Variants in UNC79 observed in about 807,000 individuals in gnomAD.
UNC79 encodes unc-79 subunit of NALCN channel complex, also known as protein unc-79 homolog.
In UNC79, 37 loss-of-function variants were observed where a neutral mutation model predicts 283.1. That is an observed-to-expected ratio of 0.13 (90% confidence interval 0.10 to 0.17). The LOEUF is 0.17. UNC79 is among the 10% of genes least tolerant of loss of function. The pLI is 1.00. For synonymous variants in UNC79, 1,107 were observed against 1,200.2 expected, an observed-to-expected ratio of 0.92 and a Z score of 1.61; for missense variants, 2,272 against 3,211.1, an observed-to-expected ratio of 0.71 and a Z score of 7.07.
intron 41 of UNC79, among the ~76,000 whole-genome samples, chr14:93,675,130 C>T (rs962062930): frequency 6.6e-6 from 1 of 152,212 alleles, no homozygotes; most frequent in Non-Finnish European, 1.5e-5. Context: ...GGTCTTCCAT[C>T]ATCTGGCCAC....
intron 1 of UNC79, among the ~76,000 whole-genome samples, chr14:93,395,606 T>G (rs1038123135): frequency 6.6e-6 from 1 of 152,128 alleles, no homozygotes; most frequent in African/African-American, 2.4e-5. Context: ...CAGTTCAACA[T>G]GAGATTTGGG....
At chr14:93,347,239 C>T in intron 1 of UNC79, 2 of 1,581,284 alleles carry the variant, frequency 1.3e-6, no homozygotes, top group South Asian at 1.1e-5. Context: ...CTGTGCTGTC[C>T]ACGCCTGGCT....
At chr14:93,707,484 C>G (rs2075940865), downstream of UNC79, 1 of 152,242 alleles carries the variant, frequency 6.6e-6, no homozygotes, top group African/African-American at 2.4e-5. Context: ...CAAAACTGTC[C>G]AGTAAGTTTT....
At chr14:93,389,916 G>T (rs1449623215) in intron 1 of UNC79, among the ~76,000 whole-genome samples, 1 of 152,216 alleles carries the variant, frequency 6.6e-6, no homozygotes, top group Admixed American at 6.5e-5. Context: ...GCCTCCCAAA[G>T]TGCTAGGGTT....
At chr14:93,660,028 A>T (rs1433312924) in intron 39 of UNC79, among the ~76,000 whole-genome samples, 1 of 152,144 alleles carries the variant, frequency 6.6e-6, no homozygotes, top group African/African-American at 2.4e-5. Context: ...TTCCAATGAG[A>T]CCACAAGCTT....
chr14:93,487,847 G>A, intron 5 of UNC79, 92 bp downstream of exon 5: 11 of 1,174,926 alleles, frequency 9.4e-6, no homozygotes, highest in Non-Finnish European at 1.2e-5. Context: ...ATGTGAGAAC[G>A]TCATCATCAT....
At chr14:93,512,888 A>G (rs1198997136) in intron 7 of UNC79, among the ~76,000 whole-genome samples, 3 of 152,096 alleles carry the variant, frequency 2.0e-5, no homozygotes, top group African/African-American at 7.2e-5. Context: ...CCTCTTGATT[A>G]TGGATCACAT....
intron 35 of UNC79, among the ~76,000 whole-genome samples, chr14:93,650,093 C>T (rs1423135779): frequency 1.3e-5 from 2 of 152,206 alleles, no homozygotes; most frequent in Non-Finnish European, 2.9e-5. Context: ...TTGTGTCCAA[C>T]TTCTGTTACT....
intron 30 of UNC79, among the ~76,000 whole-genome samples, chr14:93,625,524 T>A (rs756315320): frequency 6.6e-6 from 1 of 152,208 alleles, no homozygotes; most frequent in African/African-American, 2.4e-5. Context: ...CCACCTTAGC[T>A]CAGCTGCTCA....
rs770332968 is a variant in UNC79 at position 93,688,762 on chromosome 14, G to A, written c.7007G>A (p.Arg2336Gln). 20 of 1,613,594 alleles carry A rather than the reference G, an allele frequency of 1.2e-5. No individual in the cohort carries two copies. Among genetic ancestry groups the A allele is most frequent in the Admixed American group, 1.7e-5 (1 of 59,980 alleles). ...CAGATTGCAGCCATGGACATCTCAC[G>A]GGGCAACCACAGAGATAACAAAGCT... Residue 2336 changes from arginine to glutamine, a missense_variant, in exon 44 of 49, where the codon CGG (arginine) becomes CAG (glutamine). By Grantham distance (43) the Arg-to-Gln change is conservative. Around this residue, in one of 11 missense-constraint regions of UNC79, gnomAD observed 225 missense variants for 334.2 expected, o/e 0.67. Transcript: ENST00000555664. This position sits in a 1 kb window ranked among gnomAD's most constrained non-coding sequence, Gnocchi z 4.0.
intron 27 of UNC79, among the ~76,000 whole-genome samples, chr14:93,613,323 T>TGA (rs949420030): frequency 3.4e-4 from 50 of 149,192 alleles, no homozygotes; most frequent in East Asian, 9.8e-4. Context: ...TGTGTGTGTG[T>TGA]GAGAGAGAGA....
chr14:93,622,100 A>G (rs375712940), exon 30 of UNC79: 124 of 1,613,972 alleles, frequency 7.7e-5, no homozygotes, highest in South Asian at 7.4e-4. Flanking sequence ...AAAACACTCT[A>G]TACTCTCAAC....
intron 41 of UNC79, among the ~76,000 whole-genome samples, chr14:93,682,101 A>C (rs1295357885): frequency 2.6e-5 from 4 of 152,130 alleles, no homozygotes; most frequent in African/African-American, 9.7e-5. Context: ...CCAGAGAAGG[A>C]GTGGGGGTCT....
At chr14:93,644,067 A>G (rs967317941) in intron 34 of UNC79, among the ~76,000 whole-genome samples, 3 of 152,208 alleles carry the variant, frequency 2.0e-5, no homozygotes, top group African/African-American at 7.2e-5. Flanking sequence ...CTGTTTTGAG[A>G]TGGATTTTCT....
chr14:93,552,846 A>G (rs1053137761), intron 14 of UNC79, among the ~76,000 whole-genome samples: 1 of 152,172 alleles, frequency 6.6e-6, no homozygotes, highest in Admixed American at 6.6e-5. Flanking sequence ...TTGAAGTCCA[A>G]AGATAACTTG....
rs1226125682 is a variant in UNC79, at chr14:93,593,842, C to G, written c.3190+5C>G. The G allele has an allele frequency of 6.2e-7, 1 of 1,612,106 alleles. No individual in the cohort carries two copies. The highest frequency in any genetic ancestry group is 1.1e-5 in the South Asian group (1 of 90,604). On this transcript the variant is annotated splice_donor_5th_base_variant and intron_variant, in intron 23 of 48. Transcript: ENST00000555664. ...GGAAGATGAGGTTTGAAGCAGGTAC[C>G]TCTGTGTTAGCTTAAAACTCATTCT...
intron 14 of UNC79, among the ~76,000 whole-genome samples, chr14:93,551,727 A>G (rs554525055): frequency 8.5e-5 from 13 of 152,248 alleles, no homozygotes; most frequent in East Asian, 7.7e-4. Context: ...GGGTTTTGAG[A>G]TCAGTGGGAA....
rs534706329 is a variant in UNC79, at chr14:93,538,804, CAA to C, written c.1352+603_1352+604del. Among the ~76,000 whole-genome samples the C allele has an allele frequency of 6.3e-3, 700 of 111,370 alleles. 5 individuals are homozygous for C. The highest frequency in any genetic ancestry group is 0.023 in the African/African-American group (659 of 29,132). The allele number at this position is 111,370 out of a possible 152,430, so 73.1% of individuals were successfully genotyped here. ...GGTTTTTCTTCTTCTATCACATGAC[CAA>C]AAAAAAAAAAAAAAAAGCAATTGAA... is the stretch of plus-strand genomic sequence containing the variant. On this transcript the variant is annotated intron_variant, in intron 12 of 48. Coordinates refer to ENST00000555664, the Ensembl canonical transcript of UNC79.
chr14:93,416,090 C>A (rs2055448497), intron 1 of UNC79, among the ~76,000 whole-genome samples: 1 of 145,900 alleles, frequency 6.9e-6, no homozygotes, highest in Admixed American at 6.9e-5. Flanking sequence ...TCTTGCTTTT[C>A]TAGTTCTTTT....
Sources: allele counts gnomAD v4.1 joint callset (sites outside exome capture counted in the v4.1 genomes callset), GRCh38; gene constraint gnomAD v4.1.1; regional missense constraint gnomAD v4.1.1; non-coding constraint Gnocchi (gnomAD v3.1); transcripts MANE v1.5; gene names NCBI Gene and HGNC (gene_info 2026-07-23, HGNC 2026-07-21).